Variants in GAB2 observed in about 807,000 individuals in gnomAD.
The protein encoded by GAB2 is GRB2 associated binding protein 2, also known as GRB2-associated-binding protein 2.
A neutral mutation model predicts 65.5 loss-of-function variants in GAB2; 26 were observed. The ratio of observed to expected loss-of-function variants is 0.40; its 90% CI spans 0.29 to 0.55. The LOEUF is 0.55. Among genes scored for constraint, GAB2 ranks in the 20% least tolerant of loss-of-function variants. The pLI, the probability that GAB2 is intolerant of heterozygous loss-of-function variation, is 0.53. For missense variants in GAB2, 884 were observed against 875.8 expected, an observed-to-expected ratio of 1.01 and a Z score of -0.12; for synonymous variants, 321 against 329.6, an observed-to-expected ratio of 0.97 and a Z score of 0.28.
At chr11:78,375,843 T>C (rs1340333583) in intron 1 of GAB2, among the ~76,000 whole-genome samples, 2 of 152,172 alleles carry the variant, frequency 1.3e-5, no homozygotes. Flanking sequence ...TATATTCCAT[T>C]TCATTCAGAA....
chr11:78,364,756 T>G (rs1286440683), intron 1 of GAB2, among the ~76,000 whole-genome samples: 1 of 152,208 alleles, frequency 6.6e-6, no homozygotes, highest in Non-Finnish European at 1.5e-5. Context: ...CCAGGGATTT[T>G]ATCAAACTTT....
intron 1 of GAB2, among the ~76,000 whole-genome samples, chr11:78,295,873 T>A (rs190561319): frequency 1.3e-5 from 2 of 152,266 alleles, no homozygotes; most frequent in East Asian, 3.9e-4. Context: ...GTAGTTATGG[T>A]CTGTAAAGTC....
chr11:78,369,316 A>G (rs1856538437), intron 1 of GAB2, among the ~76,000 whole-genome samples: 1 of 152,186 alleles, frequency 6.6e-6, no homozygotes, highest in Admixed American at 6.5e-5. Context: ...TTTACAGTGT[A>G]TATAAACTTA....
intron 1 of GAB2, among the ~76,000 whole-genome samples, chr11:78,412,054 A>G (rs1346812617): frequency 1.3e-5 from 2 of 151,224 alleles, no homozygotes; most frequent in Non-Finnish European, 2.9e-5. Flanking sequence ...AACAACAACA[A>G]CAACAAAGAG....
chr11:78,417,589 C>T, intron 1 of GAB2, 57 bp downstream of exon 1: 1 of 994,124 alleles, frequency 1.0e-6, no homozygotes, highest in Non-Finnish European at 1.3e-6. Flanking sequence ...TCCCCCGCCC[C>T]TCCGCAGGCC....
intron 1 of GAB2, among the ~76,000 whole-genome samples, chr11:78,336,339 A>C (rs1021154305): frequency 2.0e-5 from 3 of 147,356 alleles, no homozygotes; most frequent in African/African-American, 7.4e-5. Flanking sequence ...AAAAAAAAAA[A>C]AAAAAAAAAA....
At chr11:78,351,662 C>T (rs1376195212) in intron 1 of GAB2, among the ~76,000 whole-genome samples, 1 of 152,140 alleles carries the variant, frequency 6.6e-6, no homozygotes, top group African/African-American at 2.4e-5. Context: ...GACACTATCT[C>T]CCTACTGAAA....
Position 78,216,558 on chromosome 11 carries a change from G to T in GAB2, c.*2714C>A, listed in dbSNP as rs561969906. 6.6e-6 allele frequency: 1 copy of T among 152,160 alleles called. No individual in the cohort carries two copies. 9.4% of individuals were successfully genotyped at this position (152,160 alleles called of 1,614,324 possible). ...CATCTCTACCCCTACACTTGCACCC[G>T]AGGGATTTTGGTAGTTACCAGAATA... On this transcript the variant is annotated 3_prime_UTR_variant, in exon 10 of 10. Transcript: ENST00000361507.
At chr11:78,239,098 GAA>G (rs773430415) in intron 3 of GAB2, among the ~76,000 whole-genome samples, 83 of 133,240 alleles carry the variant, frequency 6.2e-4, no homozygotes, top group Non-Finnish European at 1.1e-3. Context: ...TTTCTATTAA[GAA>G]AAAAAAAAAA....
intron 1 of GAB2, among the ~76,000 whole-genome samples, chr11:78,309,123 G>A (rs554480718): frequency 4.6e-4 from 70 of 152,224 alleles, no homozygotes; most frequent in African/African-American, 1.5e-3. Flanking sequence ...TGAAAACTGC[G>A]GGAGAGAGAA....
chr11:78,307,801 T>C (rs1435219070), intron 1 of GAB2, among the ~76,000 whole-genome samples: 1 of 152,182 alleles, frequency 6.6e-6, no homozygotes, highest in Non-Finnish European at 1.5e-5. Context: ...AACAGTGTAA[T>C]GGTTAATTTT....
chr11:78,309,245 A>T lies in GAB2; in HGVS notation c.76-28344T>A, dbSNP rs1244582669. ...AATTAAAAAAATTGAGATATGATTC[A>T]CATGCAATACAATCTACCCTTTACA... On this transcript the variant is annotated intron_variant, in intron 1 of 9. Transcript: ENST00000361507. Among the ~76,000 whole-genome samples, 3 of 152,182 alleles carry T rather than the reference A, an allele frequency of 2.0e-5. No individual in the cohort carries two copies. The East Asian group carries it at 5.8e-4, about 29-fold the overall frequency.
At chr11:78,299,119 G>T in intron 1 of GAB2, among the ~76,000 whole-genome samples, 1 of 152,144 alleles carries the variant, frequency 6.6e-6, no homozygotes. Context: ...CCTATTTTGA[G>T]AAACAATGCA....
At chr11:78,263,825 C>G (rs530327122) in intron 2 of GAB2, among the ~76,000 whole-genome samples, 5 of 151,774 alleles carry the variant, frequency 3.3e-5, no homozygotes, top group African/African-American at 1.2e-4. Context: ...GCCTACAGTT[C>G]AGAGAGATCA....
In GAB2 at chr11:78,336,314, G is replaced by A. The variant is rs562831028; in HGVS notation, c.76-55413C>T. Among the ~76,000 whole-genome samples the A allele has an allele frequency of 3.4e-4, 36 of 104,986 alleles. No homozygotes were observed. In the East Asian group the frequency reaches 8.9e-3, roughly 26 times the overall value. 68.9% of individuals were successfully genotyped at this position (104,986 alleles called of 152,430 possible). ...CTCACTCCAGCCCGGGCGACAGAGC[G>A]AGACTGTCTCTCAAAAAAAAAAAAA... On this transcript the variant is annotated intron_variant, in intron 1 of 9. Transcript: ENST00000361507.
At chr11:78,321,551 C>T (rs1226501794) in intron 1 of GAB2, among the ~76,000 whole-genome samples, 1 of 152,182 alleles carries the variant, frequency 6.6e-6, no homozygotes, top group African/African-American at 2.4e-5. Flanking sequence ...TTAAGAGATG[C>T]AGCACAGTTC....
intron 1 of GAB2, among the ~76,000 whole-genome samples, chr11:78,285,284 G>A (rs981321489): frequency 6.6e-6 from 1 of 152,186 alleles, no homozygotes; most frequent in African/African-American, 2.4e-5. Flanking sequence ...ACACCCTCAT[G>A]AACAAGAAAA....
rs151288412 is a variant in GAB2, at chr11:78,353,456, C to T, written c.75+64190G>A. Among the ~76,000 whole-genome samples the T allele has an allele frequency of 3.6e-3, 548 of 152,238 alleles. 3 individuals carry two copies. Among genetic ancestry groups the T allele is most frequent in the Middle Eastern group, 0.014 (4 of 294 alleles). On this transcript the variant is annotated intron_variant, in intron 1 of 9. Transcript: ENST00000361507. ...ACTTTGTCTCAAATAAAAAGAAACA[C>T]TGGGAGAAACTGGGGATGGGGCCCA...
chr11:78,363,683 T>C (rs1394694230), intron 1 of GAB2, among the ~76,000 whole-genome samples: 1 of 151,840 alleles, frequency 6.6e-6, no homozygotes. Context: ...CTCCCAGGCT[T>C]AGGCAATCCT....
Sources: gnomAD v4.1 joint callset for allele counts (sites outside exome capture counted in the v4.1 genomes callset) on GRCh38, gnomAD v4.1.1 for gene constraint, MANE v1.5 for transcripts, NCBI Gene and HGNC (gene_info 2026-07-23, HGNC 2026-07-21) for gene names.